Variants in WDR27 observed in about 807,000 individuals in gnomAD.
WDR27 encodes the protein WD repeat-containing protein 27.
A neutral mutation model predicts 114.4 loss-of-function variants in WDR27; 100 were observed. The observed-to-expected ratio is 0.87, with a 90% confidence interval of 0.74 to 1.03. The LOEUF (loss-of-function observed/expected upper bound fraction) is 1.03, where lower values mean the gene tolerates loss of function less well. WDR27 is among the 50% of genes least tolerant of loss of function. The pLI is 0.00. For synonymous variants in WDR27, 449 were observed against 423.1 expected, an observed-to-expected ratio of 1.06 and a Z score of -0.75; for missense variants, 1,129 against 1,092.9, an observed-to-expected ratio of 1.03 and a Z score of -0.47.
intron 25 of WDR27, among the ~76,000 whole-genome samples, chr6:169,541,193 A>G (rs533325472): frequency 6.6e-6 from 1 of 152,224 alleles, no homozygotes; most frequent in Non-Finnish European, 1.5e-5. Flanking sequence ...CAAGGAAAAC[A>G]GTAAAATGAA....
At chr6:169,614,311 T>C (rs1811297743) in intron 21 of WDR27, among the ~76,000 whole-genome samples, 1 of 152,208 alleles carries the variant, frequency 6.6e-6, no homozygotes, top group Non-Finnish European at 1.5e-5. Context: ...ACAAATTTCA[T>C]GAAGGATAGA....
chr6:169,510,663 G>A (rs1424479099), intron 25 of WDR27, among the ~76,000 whole-genome samples: 1 of 151,458 alleles, frequency 6.6e-6, no homozygotes, highest in African/African-American at 2.4e-5. Context: ...GATAGCATTA[G>A]GAGATATACC....
intron 25 of WDR27, among the ~76,000 whole-genome samples, chr6:169,488,946 CTTTTTT>C: frequency 7.4e-6 from 1 of 135,562 alleles, no homozygotes; most frequent in Non-Finnish European, 1.6e-5. Flanking sequence ...TTGATGCCCC[CTTTTTT>C]TTTTTTTTTT....
Position 169,644,781 on chromosome 6 carries a change from G to A in WDR27, c.1658-995C>T, listed in dbSNP as rs1051600682. 5.2e-5 allele frequency among the ~76,000 whole-genome samples: 6 copies of A among 115,298 alleles called. 2 individuals are homozygous for A. The highest frequency in any genetic ancestry group is 1.6e-4 in the African/African-American group (4 of 24,584). The allele number at this position is 115,298 out of a possible 152,430, so 75.6% of individuals were successfully genotyped here. On this transcript the variant is annotated intron_variant, in intron 16 of 25. Coordinates refer to ENST00000448612, the MANE Select transcript of WDR27 (RefSeq NM_182552.5). ...TCCCAGCACTTTGGGAGGCCGAGGC[G>A]GGCGGATCACGAGGTCAGGAGATCG... is the stretch of plus-strand genomic sequence containing the variant.
chr6:169,653,185 C>A (rs1823071194), intron 13 of WDR27, among the ~76,000 whole-genome samples: 1 of 152,180 alleles, frequency 6.6e-6, no homozygotes, highest in Non-Finnish European at 1.5e-5. Context: ...ACAGTCAGAA[C>A]CTTGGAAAAC....
At chr6:169,460,713 G>A (rs1174018638) in intron 25 of WDR27, among the ~76,000 whole-genome samples, 1 of 152,156 alleles carries the variant, frequency 6.6e-6, no homozygotes, top group Non-Finnish European at 1.5e-5. Flanking sequence ...ATTAGTTCCA[G>A]GAACTCCCAT....
Position 169,513,001 on chromosome 6 carries a change from A to T in WDR27, c.2646-55367T>A, listed in dbSNP as rs1045783556. 2.8e-4 allele frequency among the ~76,000 whole-genome samples: 43 copies of T among 152,300 alleles called. No homozygotes were observed. In the East Asian group the frequency reaches 3.7e-3, roughly 13 times the overall value. On this transcript the variant is annotated intron_variant, in intron 25 of 25. Coordinates refer to ENST00000448612, the MANE Select transcript of WDR27 (RefSeq NM_182552.5). ...CACGAAATAAAGAATACATTAAAAA[A>T]TTTTTTTCTAAACGTTCCAGTTACT...
At chr6:169,581,636 T>G (rs867947722) in intron 24 of WDR27, among the ~76,000 whole-genome samples, 11 of 152,292 alleles carry the variant, frequency 7.2e-5, no homozygotes, top group Middle Eastern at 3.4e-3. Context: ...AAAGATGAAT[T>G]AGGGCCAAGG....
At chr6:169,507,750 G>A (rs1303735711) in intron 25 of WDR27, among the ~76,000 whole-genome samples, 1 of 152,166 alleles carries the variant, frequency 6.6e-6, no homozygotes, top group Non-Finnish European at 1.5e-5. Context: ...ATTTTTCAAT[G>A]TTCATAAATA....
At chr6:169,690,405 T>C (rs1406459988) in intron 1 of WDR27, among the ~76,000 whole-genome samples, 31 of 152,234 alleles carry the variant, frequency 2.0e-4, no homozygotes, top group Admixed American at 1.8e-3. Context: ...CTTCCAGCTC[T>C]TACAACACAG....
intron 24 of WDR27, among the ~76,000 whole-genome samples, chr6:169,573,978 T>A (rs1351106921): frequency 6.6e-6 from 1 of 152,272 alleles, no homozygotes; most frequent in East Asian, 1.9e-4. Flanking sequence ...CTTCTTGAAT[T>A]TGTGTTCCCA....
chr6:169,583,499 ATATATG>A (rs1378123114), intron 23 of WDR27, among the ~76,000 whole-genome samples: 1,249 of 24,412 alleles, frequency 0.051, 19 homozygotes, highest in South Asian at 0.087. Context: ...ATATATATAT[ATATATG>A]TATATATACA....
At chr6:169,592,321 T>G (rs1308509598) in intron 23 of WDR27, among the ~76,000 whole-genome samples, 1 of 152,162 alleles carries the variant, frequency 6.6e-6, no homozygotes, top group Admixed American at 6.6e-5. Flanking sequence ...AAACTAAATC[T>G]TCCTATCCAA....
In WDR27 at chr6:169,533,725, T is replaced by C. The variant is rs147346303; in HGVS notation, c.2645+38694A>G. On this transcript the variant is annotated intron_variant, in intron 25 of 25. Transcript: ENST00000448612. ...CGGCCTGTGATCCCATCTGCTGCAGTGATGAGCATGTGCTTCACCCCAAAA... is the reference window on the plus strand; with the variant it reads ...CGGCCTGTGATCCCATCTGCTGCAGCGATGAGCATGTGCTTCACCCCAAAA... Among the ~76,000 whole-genome samples, 658 of 152,262 alleles carry C rather than the reference T, an allele frequency of 4.3e-3. 3 individuals are homozygous for C. Among genetic ancestry groups the C allele is most frequent in the African/African-American group, 0.015 (635 of 41,558 alleles).
chr6:169,682,536 T>C (rs1781810447), intron 2 of WDR27, among the ~76,000 whole-genome samples: 1 of 152,214 alleles, frequency 6.6e-6, no homozygotes, highest in Non-Finnish European at 1.5e-5. Flanking sequence ...GCTGCAGTGG[T>C]CATGGGCTCA....
intron 16 of WDR27, among the ~76,000 whole-genome samples, chr6:169,644,462 A>C (rs1819998611): frequency 6.6e-6 from 1 of 151,138 alleles, no homozygotes. Context: ...CACAGGAGTC[A>C]CACTGTAGAA....
intron 7 of WDR27, 121 bp from the exon 8 acceptor site, chr6:169,664,407 C>A: frequency 6.4e-7 from 1 of 1,561,052 alleles, no homozygotes; most frequent in South Asian, 1.2e-5. Flanking sequence ...CCACGGCCTG[C>A]AGAGGCTCCC....
chr6:169,458,198 C>G (rs1405252092), intron 25 of WDR27, among the ~76,000 whole-genome samples: 1 of 152,138 alleles, frequency 6.6e-6, no homozygotes, highest in Non-Finnish European at 1.5e-5. Flanking sequence ...GCTCCACCTC[C>G]CTGACCCCAC....
chr6:169,658,327 GATACAGT>G lies in WDR27; in HGVS notation c.1344_1350del (p.Leu449TrpfsTer23). On this transcript the variant is annotated frameshift_variant, in exon 13 of 26. Coordinates refer to ENST00000448612, the MANE Select transcript of WDR27 (RefSeq NM_182552.5). LOFTEE classifies it high-confidence loss of function. ...GTACTCTTCTCCTTGGCAATTCCCA[GATACAGT>G]GGAGAGGTCGGTAGGACACAGGAGC... 6.2e-7 allele frequency: 1 copy of G among 1,601,690 alleles called. No homozygotes were observed. The highest frequency in any genetic ancestry group is 8.5e-7 in the Non-Finnish European group (1 of 1,174,478).
Sources: allele counts gnomAD v4.1 joint callset (sites outside exome capture counted in the v4.1 genomes callset), GRCh38; gene constraint gnomAD v4.1.1; transcripts MANE v1.5; gene names NCBI Gene and HGNC (gene_info 2026-07-23, HGNC 2026-07-21).